Variants in NQO1 observed in about 807,000 individuals in gnomAD.
NQO1 encodes the protein NAD(P)H dehydrogenase [quinone] 1.
In NQO1, 30 loss-of-function variants were observed where a neutral mutation model predicts 32.1. The ratio of observed to expected loss-of-function variants is 0.94; its 90% CI spans 0.70 to 1.27. The LOEUF (loss-of-function observed/expected upper bound fraction) is 1.27, where lower values mean the gene tolerates loss of function less well. Ranked by LOEUF, NQO1 falls within the 50% of genes most tolerant of loss-of-function variation. The pLI is 0.00. For synonymous variants in NQO1, 109 were observed against 119.7 expected (o/e 0.91, Z 0.59); for missense variants, 276 against 331.3 (o/e 0.83, Z 1.30).
chr16:69,715,181 C>T, intron 3 of NQO1, 104 bp from the exon 4 acceptor site: 1 of 781,252 alleles, frequency 1.3e-6, no homozygotes, highest in Non-Finnish European at 2.3e-6. Context: ...GTGTGGGAAG[C>T]CCCTCTTCAC....
chr16:69,711,324 A>G (rs1326626960), intron 5 of NQO1, 43 bp from the exon 6 acceptor site: 1 of 1,542,696 alleles, frequency 6.5e-7, no homozygotes. Context: ...AACCAATTCC[A>G]TGCAGTTGTA....
intron 1 of NQO1, among the ~76,000 whole-genome samples, chr16:69,719,449 G>T: frequency 6.6e-6 from 1 of 152,086 alleles, no homozygotes; most frequent in Non-Finnish European, 1.5e-5. Context: ...GAAATTATGG[G>T]TACATCCACA....
chr16:69,714,467 G>A (rs1031615074), intron 4 of NQO1, among the ~76,000 whole-genome samples: 4 of 150,750 alleles, frequency 2.7e-5, no homozygotes, highest in South Asian at 2.2e-4. Flanking sequence ...CACTGCGCCC[G>A]GCCTCTGGAG....
At chr16:69,713,797 C>T (rs114803223) in intron 4 of NQO1, among the ~76,000 whole-genome samples, 2,679 of 152,010 alleles carry the variant, frequency 0.018, 80 homozygotes, top group African/African-American at 0.061. Flanking sequence ...AACTGTCTCC[C>T]GGGTTCAAGT....
intron 1 of NQO1, among the ~76,000 whole-genome samples, chr16:69,720,891 C>G (rs544191808): frequency 6.8e-6 from 1 of 147,666 alleles, no homozygotes; most frequent in Non-Finnish European, 1.5e-5. Flanking sequence ...TTTTCTTTTT[C>G]TCTTTCTGAG....
chr16:69,720,087 C>T (rs1429575791), intron 1 of NQO1, among the ~76,000 whole-genome samples: 1 of 152,032 alleles, frequency 6.6e-6, no homozygotes, highest in Non-Finnish European at 1.5e-5. Context: ...AGCGAAATCC[C>T]TTCTCTACAA....
chr16:69,714,822 T>G (rs955416047), intron 4 of NQO1, 142 bp downstream of exon 4: 8 of 593,864 alleles, frequency 1.3e-5, no homozygotes, highest in Non-Finnish European at 3.1e-6. Flanking sequence ...GAGGTTGCAG[T>G]GAGCCGAGAT....
At chr16:69,726,102 G>T (rs2151748671) in intron 1 of NQO1, among the ~76,000 whole-genome samples, 1 of 152,304 alleles carries the variant, frequency 6.6e-6, no homozygotes. Context: ...ACCAAAAGAG[G>T]TATGGGCTGT....
intron 1 of NQO1, among the ~76,000 whole-genome samples, chr16:69,723,191 G>A (rs2151747445): frequency 6.6e-6 from 1 of 152,314 alleles, no homozygotes; most frequent in South Asian, 2.1e-4. Flanking sequence ...CCAAACTGCT[G>A]GGATTACAGG....
At chr16:69,717,955 C>T in intron 3 of NQO1, 168 bp downstream of exon 3, 2 of 1,025,396 alleles carry the variant, frequency 2.0e-6, no homozygotes, top group South Asian at 3.2e-5. Context: ...GCCAGATTCC[C>T]AATATCTGTG....
At chr16:69,718,314 C>G in intron 2 of NQO1, 56 bp downstream of exon 2, 1 of 1,613,304 alleles carries the variant, frequency 6.2e-7, no homozygotes, top group Admixed American at 1.7e-5. Flanking sequence ...AGAGGACCCA[C>G]AGGCAAGGAG....
intron 4 of NQO1, among the ~76,000 whole-genome samples, chr16:69,714,756 G>A (rs45488899): frequency 0.46 from 69,420 of 151,486 alleles, 17,567 homozygotes; most frequent in Non-Finnish European, 0.58. Context: ...GCATATGCCT[G>A]TAATCCCAGC....
chr16:69,712,372 T>C (rs2038053050), intron 5 of NQO1, among the ~76,000 whole-genome samples: 1 of 152,116 alleles, frequency 6.6e-6, no homozygotes, highest in Admixed American at 6.6e-5. Flanking sequence ...TGGGCTCTAA[T>C]AGTCTATGGG....
intron 4 of NQO1, 30 bp downstream of exon 4, chr16:69,714,934 C>T (rs1432092818): frequency 6.1e-6 from 9 of 1,479,422 alleles, no homozygotes; most frequent in Non-Finnish European, 7.6e-6. Context: ...CAGAAGCTGG[C>T]TGTCAGAGCA....
At position 69,711,018 on chromosome 16, in the gene NQO1, G is replaced by A. The variant is rs561300146; in HGVS notation, c.783C>T (p.Gly261=). ...TCTGGTTGTCAGTTGGGATGGACTT[G>A]CCCAAGTGATGGCCCACAGAAAGGC... The part of the protein sequence containing the change: ...KFGLSVGHHL[G]KSIPTDNQIK... The change falls in exon 6 of 6, where the codon GGC becomes GGT. Residue 261 remains glycine, a synonymous_variant. Coordinates refer to ENST00000320623, the MANE Select transcript of NQO1 (RefSeq NM_000903.3). 39 of 1,614,120 alleles carry A rather than the reference G, an allele frequency of 2.4e-5. No homozygotes were observed. In the South Asian group the frequency reaches 3.6e-4, roughly 15 times the overall value.
intron 4 of NQO1, 135 bp from the exon 5 acceptor site, chr16:69,713,264 C>T (rs1202325243): frequency 7.5e-6 from 5 of 669,642 alleles, no homozygotes; most frequent in Non-Finnish European, 1.3e-5. Flanking sequence ...CATACTTTGG[C>T]TCCCCTGAGC....
chr16:69,714,539 C>T (rs982876085), intron 4 of NQO1, among the ~76,000 whole-genome samples: 2 of 151,952 alleles, frequency 1.3e-5, no homozygotes, highest in African/African-American at 4.8e-5. Flanking sequence ...TCATGCGTCT[C>T]TCCCGAAGGA....
chr16:69,713,729 CAG>C (rs2038071646), intron 4 of NQO1, among the ~76,000 whole-genome samples: 1 of 151,684 alleles, frequency 6.6e-6, no homozygotes, highest in South Asian at 2.1e-4. Context: ...TCCTGTGAGA[CAG>C]AGTCTGGCTC....
chr16:69,718,079 AGCAC>A, intron 3 of NQO1, 40 bp downstream of exon 3: 1 of 1,610,866 alleles, frequency 6.2e-7, no homozygotes, highest in Non-Finnish European at 8.5e-7. Flanking sequence ...TAGGACAATA[AGCAC>A]GCAAATGTCC....
Sources: gnomAD v4.1 joint callset for allele counts (sites outside exome capture counted in the v4.1 genomes callset) on GRCh38, gnomAD v4.1.1 for gene constraint, MANE v1.5 for transcripts, NCBI Gene and HGNC (gene_info 2026-07-23, HGNC 2026-07-21) for gene names.